The following DNAH9 variants were observed in gnomAD, a reference collection of about 807,000 sequenced individuals.
The protein encoded by DNAH9 is DNAH9 variant protein.
DNAH9 carries 345 observed loss-of-function variants against 471.6 expected under a neutral mutation model. The ratio of observed to expected loss-of-function variants is 0.73; its 90% confidence interval spans 0.67 to 0.80. The LOEUF is 0.80. Ranked by LOEUF, DNAH9 falls within the 30% of genes least tolerant of loss-of-function variation. The pLI, the probability that DNAH9 is intolerant of heterozygous loss-of-function variation, is 0.00. For missense variants in DNAH9, 5,407 were observed against 5,609.2 expected, an observed-to-expected ratio of 0.96 and a Z score of 1.15; for synonymous variants, 2,093 against 2,123.6, an observed-to-expected ratio of 0.99 and a Z score of 0.40.
intron 18 of DNAH9, among the ~76,000 whole-genome samples, chr17:11,680,219 G>T (rs1396098778): frequency 6.6e-6 from 1 of 150,672 alleles, no homozygotes; most frequent in African/African-American, 2.4e-5. Context: ...TTTCTCCATA[G>T]AAATGAACCA....
chr17:11,920,332 A>G (rs1974096809), intron 61 of DNAH9, among the ~76,000 whole-genome samples: 1 of 151,630 alleles, frequency 6.6e-6, no homozygotes, highest in Non-Finnish European at 1.5e-5. Context: ...AAGCTCTTTC[A>G]AGATGAGGTT....
Position 11,969,531 on chromosome 17 carries a change from C to T in DNAH9, c.*4C>T. On this transcript the variant is annotated 3_prime_UTR_variant, in exon 69 of 69. Transcript: ENST00000262442. ...AGCCTTGCTTCTCCAGATTTAGCAT[C>T]CTGCAGAGCCACCGAGAAAATAAAA... 3.8e-6 allele frequency: 6 copies of T among 1,599,368 alleles called. No homozygotes were observed. The highest frequency in any genetic ancestry group is 5.1e-6 in the Non-Finnish European group (6 of 1,175,672).
chr17:11,761,792 T>G (rs186003667), intron 35 of DNAH9, among the ~76,000 whole-genome samples: 1 of 152,154 alleles, frequency 6.6e-6, no homozygotes, highest in African/African-American at 2.4e-5. Flanking sequence ...ACCTTCCCTG[T>G]GCAGGAGGGG....
intron 51 of DNAH9, 72 bp from the exon 52 acceptor site, chr17:11,871,526 C>A: frequency 7.0e-7 from 1 of 1,421,052 alleles, no homozygotes; most frequent in Non-Finnish European, 9.8e-7. Context: ...GGGCGCTCTC[C>A]ATGATGGAAT....
At chr17:11,657,868 G>A (rs1449793886) in intron 14 of DNAH9, among the ~76,000 whole-genome samples, 3 of 151,854 alleles carry the variant, frequency 2.0e-5, no homozygotes, top group African/African-American at 7.2e-5. Context: ...AATATATATG[G>A]TGGAAAATAC....
chr17:11,671,070 A>G (rs141670535), intron 17 of DNAH9, among the ~76,000 whole-genome samples: 1 of 152,240 alleles, frequency 6.6e-6, no homozygotes, highest in African/African-American at 2.4e-5. Context: ...TCCCTGAGGA[A>G]CTCAGAGGCA....
intron 48 of DNAH9, among the ~76,000 whole-genome samples, chr17:11,826,932 C>T (rs1281341662): frequency 6.8e-6 from 1 of 146,028 alleles, no homozygotes; most frequent in Admixed American, 7.1e-5. Flanking sequence ...TCAAGTGATT[C>T]TCCTGCCTCA....
intron 9 of DNAH9, among the ~76,000 whole-genome samples, chr17:11,637,905 G>A (rs1334788365): frequency 6.6e-6 from 1 of 152,168 alleles, no homozygotes; most frequent in Non-Finnish European, 1.5e-5. Context: ...GGAAAAGGTA[G>A]TCTTGAGCTG....
chr17:11,651,107 CAG>C lies in DNAH9; in HGVS notation c.2142_2143del (p.Glu714AspfsTer6). 6.2e-7 allele frequency: 1 copy of C among 1,614,052 alleles called. No homozygotes were observed. The highest frequency in any genetic ancestry group is 8.5e-7 in the Non-Finnish European group (1 of 1,179,976). On this transcript the variant is annotated frameshift_variant, in exon 13 of 69. Transcript: ENST00000262442. LOFTEE classifies it high-confidence loss of function. ...TGAAAGAAATGAGCTATCTTGAACC[CAG>C]AGAGATGAAACACATGCCTGAGACA... ...VLKEMSYLEP[R>X]EMKHMPETAA... is the part of the protein sequence containing the mutation.
At chr17:11,912,909 T>G (rs1357552043) in intron 61 of DNAH9, among the ~76,000 whole-genome samples, 2 of 152,222 alleles carry the variant, frequency 1.3e-5, no homozygotes, top group Non-Finnish European at 2.9e-5. Flanking sequence ...GGCTCATGCC[T>G]GTAATCCTAG....
intron 50 of DNAH9, among the ~76,000 whole-genome samples, chr17:11,855,072 T>G (rs1971576107): frequency 6.6e-6 from 1 of 152,160 alleles, no homozygotes; most frequent in Non-Finnish European, 1.5e-5. Context: ...ATTCATTTTT[T>G]TTTTTAATCT....
intron 67 of DNAH9, among the ~76,000 whole-genome samples, chr17:11,946,210 A>G (rs1445946090): frequency 1.3e-5 from 2 of 150,368 alleles, no homozygotes; most frequent in Admixed American, 1.3e-4. Context: ...AAAAAAAAAA[A>G]AAAAAAAAAA....
rs951863705 is a variant in DNAH9 at position 11,838,572 on chromosome 17, C to T, written c.9507+3674C>T. ...CAGGAAGGAACGACCTCTGTGAAGACCCAGATGAATGAAGGGTGTGGTATA... is the reference window on the plus strand; with the variant it reads ...CAGGAAGGAACGACCTCTGTGAAGATCCAGATGAATGAAGGGTGTGGTATA... On this transcript the variant is annotated intron_variant, in intron 49 of 68. Coordinates refer to ENST00000262442, the MANE Select transcript of DNAH9 (RefSeq NM_001372.4). 8.5e-5 allele frequency among the ~76,000 whole-genome samples: 13 copies of T among 152,124 alleles called. 1 individual carries two copies. Among genetic ancestry groups the T allele is most frequent in the East Asian group, 1.9e-4 (1 of 5,176 alleles).
rs996978993 is a variant in DNAH9 at position 11,932,075 on chromosome 17, A to G, written c.12167A>G (p.Tyr4056Cys). 1 of 1,613,968 alleles carries G rather than the reference A, an allele frequency of 6.2e-7. No homozygotes were observed. Among genetic ancestry groups the G allele is most frequent in the African/African-American group, 1.3e-5 (1 of 74,884 alleles). The change falls in exon 64 of 69, where the codon TAC becomes TGC. Residue 4056 changes from tyrosine to cysteine, a missense_variant. By Grantham distance (194) the Tyr-to-Cys change is radical (BLOSUM62 -2). Transcript: ENST00000262442. This position sits in a 1 kb window ranked among gnomAD's most constrained non-coding sequence, Gnocchi z 4.3. ...EFKSILFALC[Y>C]FHAVVAERRK... ...AAGAGCATCCTCTTTGCTCTTTGTT[A>G]CTTCCATGCGGTGGTGGCAGAAAGA...
chr17:11,939,129 G>A (rs1567563955), intron 66 of DNAH9, among the ~76,000 whole-genome samples: 2 of 152,130 alleles, frequency 1.3e-5, no homozygotes, highest in Admixed American at 6.5e-5. Flanking sequence ...CGAGGTCTGG[G>A]GTTAGGTTGC....
intron 43 of DNAH9, among the ~76,000 whole-genome samples, chr17:11,804,828 C>T (rs1868383475): frequency 1.3e-5 from 2 of 151,184 alleles, no homozygotes; most frequent in Admixed American, 6.6e-5. Context: ...GAGCCGAGAT[C>T]GCGCCACTGT....
chr17:11,736,760 C>T (rs536692246), intron 28 of DNAH9, among the ~76,000 whole-genome samples: 3 of 152,190 alleles, frequency 2.0e-5, no homozygotes, highest in African/African-American at 7.2e-5. Context: ...TCCAAAAGTG[C>T]ATCATAAATT....
chr17:11,762,626 C>A (rs1196221418), intron 35 of DNAH9, among the ~76,000 whole-genome samples: 3 of 151,960 alleles, frequency 2.0e-5, no homozygotes, highest in African/African-American at 7.3e-5. Context: ...CTGTCCTGGT[C>A]CACTCTACTT....
chr17:11,839,765 T>C (rs1205865700), intron 49 of DNAH9, among the ~76,000 whole-genome samples: 2 of 152,238 alleles, frequency 1.3e-5, no homozygotes, highest in Admixed American at 6.5e-5. Flanking sequence ...ATTTAAGGTA[T>C]GATGCTTTTG....
Sources: allele counts gnomAD v4.1 joint callset (sites outside exome capture counted in the v4.1 genomes callset), GRCh38; gene constraint gnomAD v4.1.1; non-coding constraint Gnocchi (gnomAD v3.1); transcripts MANE v1.5; gene names NCBI Gene and HGNC (gene_info 2026-07-23, HGNC 2026-07-21).